The following ACAN variants were observed in gnomAD, a reference collection of about 807,000 sequenced individuals.
The protein encoded by ACAN is aggrecan.
In ACAN, 47 loss-of-function variants were observed where a neutral mutation model predicts 169.1. The ratio of observed to expected loss-of-function variants is 0.28; its 90% CI spans 0.22 to 0.35. The LOEUF (loss-of-function observed/expected upper bound fraction) is 0.35, where lower values mean the gene tolerates loss of function less well. Ranked by LOEUF, ACAN falls within the 10% of genes least tolerant of loss-of-function variation. The pLI is 1.00. For missense variants in ACAN, 2,716 were observed against 2,759.9 expected, an observed-to-expected ratio of 0.98 and a Z score of 0.36; for synonymous variants, 1,115 against 1,112.2, an observed-to-expected ratio of 1.00 and a Z score of -0.05.
intron 1 of ACAN, among the ~76,000 whole-genome samples, chr15:88,817,102 T>C (rs1895960196): frequency 6.6e-6 from 1 of 152,182 alleles, no homozygotes; most frequent in South Asian, 2.1e-4. Flanking sequence ...GGCTGGAATC[T>C]ATTTTCTCCT....
Position 88,868,849 on chromosome 15 carries a change from G to A in ACAN, c.7060+520G>A, listed in dbSNP as rs754400446. Among the ~76,000 whole-genome samples the A allele has an allele frequency of 1.3e-5, 2 of 152,200 alleles. No individual in the cohort carries two copies. The highest frequency in any genetic ancestry group is 1.5e-5 in the Non-Finnish European group (1 of 68,038). On this transcript the variant is annotated intron_variant, in intron 14 of 18. Coordinates refer to ENST00000560601, the MANE Select transcript of ACAN (RefSeq NM_001369268.1). This position sits in a 1 kb window ranked among gnomAD's most constrained non-coding sequence, Gnocchi z 5.2. ...CTGAGATCTCCCGTGTCATCAGCAT[G>A]CTCAAGTCATGCATGAGCAAGGACT...
Position 88,872,264 on chromosome 15 carries a change from G to C in ACAN, c.7302+179G>C, listed in dbSNP as rs111279526. Among the ~76,000 whole-genome samples, 2 of 152,194 alleles carry C rather than the reference G, an allele frequency of 1.3e-5. No homozygotes were observed. Among genetic ancestry groups the C allele is most frequent in the African/African-American group, 4.8e-5 (2 of 41,448 alleles). On this transcript the variant is annotated intron_variant, in intron 16 of 18. Coordinates refer to ENST00000560601, the MANE Select transcript of ACAN (RefSeq NM_001369268.1). This position sits in a 1 kb window ranked among gnomAD's most constrained non-coding sequence, Gnocchi z 5.4. ...GCCTCTGGAACCCAGCCCGGGGCTG[G>C]ACAGATTGAGCTAATGATGGCAAGA...
rs1897343527 is a variant in ACAN at position 88,869,927 on chromosome 15, C to A, written c.7061-1455C>A. Among the ~76,000 whole-genome samples the A allele has an allele frequency of 1.3e-5, 2 of 152,150 alleles. No homozygotes were observed. The highest frequency in any genetic ancestry group is 6.5e-5 in the Admixed American group (1 of 15,282). On this transcript the variant is annotated intron_variant, in intron 14 of 18. Transcript: ENST00000560601. This position sits in a 1 kb window ranked among gnomAD's most constrained non-coding sequence, Gnocchi z 4.2. ...ATACCCACCTCCCAGAGAAGTTGCA[C>A]CCTCCAGCTCTGCCTGCCCAGCTCA... is the stretch of plus-strand genomic sequence containing the variant.
intron 1 of ACAN, among the ~76,000 whole-genome samples, chr15:88,813,779 C>T (rs1296480990): frequency 6.6e-6 from 1 of 152,180 alleles, no homozygotes; most frequent in African/African-American, 2.4e-5. Context: ...TGTAGTCTCC[C>T]TGGCTACTCA....
chr15:88,817,637 T>C (rs958099779), intron 1 of ACAN, among the ~76,000 whole-genome samples: 7 of 151,892 alleles, frequency 4.6e-5, no homozygotes, highest in Admixed American at 4.6e-4. Context: ...GCAGATCACT[T>C]GAGCTCAGGA....
chr15:88,847,253 C>A lies in ACAN; in HGVS notation c.1440C>A (p.Phe480Leu). 1.3e-6 allele frequency: 2 copies of A among 1,551,510 alleles called. No individual in the cohort carries two copies. The highest frequency in any genetic ancestry group is 1.4e-5 in the African/African-American group (1 of 73,446). ...CTCCTCCCCACCCAGGGGTCGTCTTCCACTACCGCCCGGGACCCACCCGCT... is the reference window on the plus strand; with the variant it reads ...CTCCTCCCCACCCAGGGGTCGTCTTACACTACCGCCCGGGACCCACCCGCT... ...GQPHLPGGVV[F>L]HYRPGPTRYS... The change falls in exon 8 of 19, where the codon TTC (phenylalanine) becomes TTA (leucine). Residue 480 changes from phenylalanine (F) to leucine (L), a missense_variant. Coordinates refer to ENST00000560601, the MANE Select transcript of ACAN (RefSeq NM_001369268.1).
At chr15:88,863,138 G>C (rs2141621642) in intron 13 of ACAN, among the ~76,000 whole-genome samples, 1 of 152,204 alleles carries the variant, frequency 6.6e-6, no homozygotes, top group Non-Finnish European at 1.5e-5. Flanking sequence ...GTCAGAAGCT[G>C]TATTTAGTCC....
intron 1 of ACAN, among the ~76,000 whole-genome samples, chr15:88,828,401 C>T (rs368858167): frequency 5.3e-5 from 8 of 152,212 alleles, no homozygotes; most frequent in South Asian, 4.2e-4. Flanking sequence ...TTTCTTTTCT[C>T]GCAGCTCCAC....
chr15:88,805,385 T>C lies in ACAN; in HGVS notation c.-8+1576T>C, dbSNP rs1230899272. Among the ~76,000 whole-genome samples the C allele has an allele frequency of 5.3e-5, 8 of 152,160 alleles. No homozygotes were observed. In the East Asian group the frequency reaches 1.5e-3, roughly 29 times the overall value. ...GAGAGGTTCTAACCTGAAAGAAAGA[T>C]TGCAGAATAGTAGATCTCCCCAGTA... On this transcript the variant is annotated intron_variant, in intron 1 of 18. Coordinates refer to ENST00000560601, the MANE Select transcript of ACAN (RefSeq NM_001369268.1).
chr15:88,859,519 C>G, intron 12 of ACAN, 102 bp downstream of exon 12: 5 of 1,489,508 alleles, frequency 3.4e-6, no homozygotes, highest in Non-Finnish European at 4.6e-6. Flanking sequence ...CCAAGAACAA[C>G]TCCACCAAAG....
Position 88,814,692 on chromosome 15 carries a change from C to T in ACAN, c.-8+10883C>T, listed in dbSNP as rs948759034. Among the ~76,000 whole-genome samples, 2 of 152,188 alleles carry T rather than the reference C, an allele frequency of 1.3e-5. No homozygotes were observed. The highest frequency in any genetic ancestry group is 2.9e-5 in the Non-Finnish European group (2 of 68,034). On this transcript the variant is annotated intron_variant, in intron 1 of 18. Transcript: ENST00000560601. The surrounding 1 kb of genome is among the most constrained non-coding windows in gnomAD (Gnocchi z 4.0). The stretch of plus-strand genomic sequence containing the variant: ...TGCAGCCTTTGCAATTGATTGTACC[C>T]GACTCCTTCAACCCTTCTCTGGGAC...
chr15:88,812,301 C>G (rs569306117), intron 1 of ACAN, among the ~76,000 whole-genome samples: 50 of 152,266 alleles, frequency 3.3e-4, no homozygotes, highest in Admixed American at 1.1e-3. Flanking sequence ...ACTCCCACCC[C>G]CTCCTAAGTC....
At chr15:88,811,349 A>G (rs1296088606) in intron 1 of ACAN, among the ~76,000 whole-genome samples, 2 of 152,160 alleles carry the variant, frequency 1.3e-5, no homozygotes, top group Non-Finnish European at 2.9e-5. Flanking sequence ...GCACGGGCCC[A>G]GGTTGAGCCT....
intron 2 of ACAN, among the ~76,000 whole-genome samples, chr15:88,837,666 C>T (rs1200376010): frequency 2.6e-5 from 4 of 152,126 alleles, no homozygotes; most frequent in Non-Finnish European, 2.9e-5. Flanking sequence ...GTCCAGGGTG[C>T]GAGGGCCCAG....
At chr15:88,833,449 C>G (rs1896416058) in intron 1 of ACAN, among the ~76,000 whole-genome samples, 1 of 152,104 alleles carries the variant, frequency 6.6e-6, no homozygotes, top group African/African-American at 2.4e-5. Flanking sequence ...CCTGTCAGCA[C>G]CTAATTCAGC....
chr15:88,838,719 C>G lies in ACAN; in HGVS notation c.127C>G (p.Leu43Val), dbSNP rs1269536364. 1.2e-6 allele frequency: 2 copies of G among 1,610,856 alleles called. No homozygotes were observed. The highest frequency in any genetic ancestry group is 2.7e-5 in the African/African-American group (2 of 74,892). The change falls in exon 3 of 19, where the codon CTG becomes GTG. Residue 43 changes from leucine to valine, a missense_variant. Leu to Val is a conservative substitution (Grantham distance 32). Coordinates refer to ENST00000560601, the MANE Select transcript of ACAN (RefSeq NM_001369268.1). This position sits in a 1 kb window ranked among gnomAD's most constrained non-coding sequence, Gnocchi z 5.1. The stretch of plus-strand genomic sequence containing the variant: ...CCAACCGTCCCCGCTGAGGGTCCTC[C>G]TGGGGACCTCCCTCACCATCCCCTG... ...IPQPSPLRVL[L>V]GTSLTIPCYF...
chr15:88,873,860 C>T lies in ACAN; in HGVS notation c.7466C>T (p.Pro2489Leu), dbSNP rs764690562. 6.2e-7 allele frequency: 1 copy of T among 1,613,806 alleles called. No individual in the cohort carries two copies. Among genetic ancestry groups the T allele is most frequent in the Non-Finnish European group, 8.5e-7 (1 of 1,179,888 alleles). ...CCCTCAGTGGCCTGCGGAGAGCCCC[C>T]TGTGGTGGAGCATGCCAGGACCTTC... ...KKGTVACGEP[P>L]VVEHARTFGQ... The change falls in exon 18 of 19, where the codon CCT (proline) becomes CTT (leucine). Residue 2489 changes from proline (P) to leucine (L), a missense_variant. Around this residue, in one of 3 missense-constraint regions of ACAN, gnomAD observed 1,389 missense variants for 1,363.7 expected, o/e 1.02. Coordinates refer to ENST00000560601, the MANE Select transcript of ACAN (RefSeq NM_001369268.1). This position sits in a 1 kb window ranked among gnomAD's most constrained non-coding sequence, Gnocchi z 7.5.
Position 88,857,210 on chromosome 15 carries a change from T to C in ACAN, c.4625T>C (p.Phe1542Ser). 1 of 1,613,750 alleles carries C rather than the reference T, an allele frequency of 6.2e-7. No homozygotes were observed. Among genetic ancestry groups the C allele is most frequent in the Non-Finnish European group, 8.5e-7 (1 of 1,179,814 alleles). Reference sequence around the variant, plus strand: ...GTTCTAGAGATTTCTGCCTCTGGATTTGGGGACCTCAGTGGACTTCCTTCT... The same window carrying C: ...GTTCTAGAGATTTCTGCCTCTGGATCTGGGGACCTCAGTGGACTTCCTTCT... ...EEVLEISASGFGDLSGLPSGG... is the reference protein window; with the variant it reads ...EEVLEISASGSGDLSGLPSGG... The change falls in exon 12 of 19, where the codon TTT becomes TCT. Residue 1542 changes from phenylalanine (F) to serine (S), a missense_variant. Physicochemically the swap from Phe to Ser is radical, Grantham distance 155. Transcript: ENST00000560601.
chr15:88,808,775 GCAGACCTTCATTTAGTTCATGGGC>G (rs1895748845), intron 1 of ACAN, among the ~76,000 whole-genome samples: 1 of 152,242 alleles, frequency 6.6e-6, no homozygotes, highest in East Asian at 1.9e-4. Flanking sequence ...ACACCCTGCT[GCAGACCTTCATTTAGTTCATGGGC>G]CAGGCCATGC....
Sources: allele counts gnomAD v4.1 joint callset (sites outside exome capture counted in the v4.1 genomes callset), GRCh38; gene constraint gnomAD v4.1.1; regional missense constraint gnomAD v4.1.1; non-coding constraint Gnocchi (gnomAD v3.1); transcripts MANE v1.5; gene names NCBI Gene and HGNC (gene_info 2026-07-23, HGNC 2026-07-21).